The following COL15A1 variants were observed in gnomAD, a reference collection of about 807,000 sequenced individuals.
COL15A1 encodes the protein collagen alpha-1(XV) chain.
Under a neutral mutation model 165.9 loss-of-function variants are expected in COL15A1, and 111 were observed. That is an observed-to-expected ratio of 0.67 (90% CI 0.57 to 0.78). The LOEUF (loss-of-function observed/expected upper bound fraction) is 0.78. COL15A1 is among the 30% of genes least tolerant of loss of function. COL15A1 has a pLI of 0.00. For synonymous variants in COL15A1, 659 were observed against 674.8 expected, an observed-to-expected ratio of 0.98 and a Z score of 0.36; for missense variants, 1,745 against 1,789.7, an observed-to-expected ratio of 0.98 and a Z score of 0.45.
At chr9:99,013,014 A>T (rs1381546608) in intron 9 of COL15A1, among the ~76,000 whole-genome samples, 1 of 151,564 alleles carries the variant, frequency 6.6e-6, no homozygotes, top group Non-Finnish European at 1.5e-5. Flanking sequence ...TTATTTATTT[A>T]TTTTTTATTT....
At chr9:99,003,385 T>A in intron 7 of COL15A1, 68 bp from the exon 8 acceptor site, 1 of 1,309,454 alleles carries the variant, frequency 7.6e-7, no homozygotes. Flanking sequence ...GGCAGTCTGT[T>A]CTCACCAGCC....
At chr9:99,043,893 G>A (rs936720465) in intron 24 of COL15A1, among the ~76,000 whole-genome samples, 1 of 152,202 alleles carries the variant, frequency 6.6e-6, no homozygotes, top group Non-Finnish European at 1.5e-5. Context: ...ATTGGGGTCA[G>A]GATCCTGTGT....
At chr9:98,996,620 C>G (rs1386961112) in intron 5 of COL15A1, among the ~76,000 whole-genome samples, 1 of 152,218 alleles carries the variant, frequency 6.6e-6, no homozygotes, top group Non-Finnish European at 1.5e-5. Context: ...TCTAACAGAT[C>G]TTTACTGGGC....
rs963840506 is a variant in COL15A1 at position 99,052,550 on chromosome 9, G to A, written c.2950+117G>A. The stretch of plus-strand genomic sequence containing the variant: ...GGTCAGGAAGGTCTAACTGGATGCT[G>A]TAGGGGTGGGGATGGCAGCTGAGCC... On this transcript the variant is annotated intron_variant, in intron 31 of 41. Coordinates refer to ENST00000375001, the MANE Select transcript of COL15A1 (RefSeq NM_001855.5). The A allele has an allele frequency of 3.3e-5, 28 of 843,388 alleles. 1 individual carries two copies. The highest frequency in any genetic ancestry group is 3.1e-4 in the South Asian group (22 of 71,954). 52.2% of individuals were successfully genotyped at this position (843,388 alleles called of 1,614,324 possible).
rs911554874 is a variant in COL15A1, at chr9:98,997,047, C to T, written c.918C>T (p.Asn306=). Residue 306 remains asparagine, a synonymous_variant, in exon 6 of 42, where the codon AAC becomes AAT. Coordinates refer to ENST00000375001, the MANE Select transcript of COL15A1 (RefSeq NM_001855.5). ...CCGAGGGGACCCTGGAAACCACCAA[C>T]ATGAGCATCATCCAGCACAGCAGCC... ...PVPEGTLETT[N]MSIIQHSSPK... 2.5e-5 allele frequency: 41 copies of T among 1,614,110 alleles called. No homozygotes were observed. The highest frequency in any genetic ancestry group is 3.3e-5 in the Non-Finnish European group (39 of 1,180,050).
intron 2 of COL15A1, among the ~76,000 whole-genome samples, chr9:98,960,733 C>T (rs527270759): frequency 1.8e-4 from 28 of 152,280 alleles, no homozygotes; most frequent in African/African-American, 6.5e-4. Context: ...AACGAAATAA[C>T]GCCCCAAGCT....
intron 13 of COL15A1, 90 bp downstream of exon 13, chr9:99,022,240 G>GC (rs1839040422): frequency 9.0e-6 from 14 of 1,557,050 alleles, no homozygotes; most frequent in Non-Finnish European, 1.2e-5. Context: ...CTCCTTTTTG[G>GC]CCCCCAAAGT....
chr9:99,051,924 C>A (rs2117891021), intron 30 of COL15A1, among the ~76,000 whole-genome samples: 1 of 152,314 alleles, frequency 6.6e-6, no homozygotes, highest in Middle Eastern at 3.4e-3. Context: ...TGCTAATTAC[C>A]TGCCCATGAT....
intron 5 of COL15A1, among the ~76,000 whole-genome samples, chr9:98,992,379 G>A (rs1838456998): frequency 1.3e-5 from 2 of 152,252 alleles, no homozygotes; most frequent in Non-Finnish European, 2.9e-5. Context: ...AGGGTCGGTG[G>A]CACCGGCTGG....
At chr9:98,992,082 A>G (rs559881861) in intron 5 of COL15A1, among the ~76,000 whole-genome samples, 1 of 152,366 alleles carries the variant, frequency 6.6e-6, no homozygotes, top group Admixed American at 6.5e-5. Context: ...CGAGGGCAGC[A>G]GGTGGAGCGG....
chr9:99,017,871 AG>A (rs1280294543), intron 11 of COL15A1, among the ~76,000 whole-genome samples: 1 of 152,210 alleles, frequency 6.6e-6, no homozygotes, highest in Non-Finnish European at 1.5e-5. Flanking sequence ...GCTTAGACAA[AG>A]GAGCTTAGAA....
chr9:99,049,732 C>T lies in COL15A1; in HGVS notation c.2836C>T (p.Pro946Ser), dbSNP rs768129243. ...TGGCCCTCCAGGCCCCCCTGGGCCA[C>T]CTGGAGCTGTGATTAACATCAAAGG... The part of the protein sequence containing the change: ...LPGPPGPPGP[P>S]GAVINIKGAI... The change falls in exon 29 of 42, where the codon CCT becomes TCT. Residue 946 changes from proline (P) to serine (S), a missense_variant. Physicochemically the swap from Pro to Ser is moderately conservative, Grantham distance 74 (BLOSUM62 -1). Transcript: ENST00000375001. 1 of 1,614,148 alleles carries T rather than the reference C, an allele frequency of 6.2e-7. No homozygotes were observed. Among genetic ancestry groups the T allele is most frequent in the Non-Finnish European group, 8.5e-7 (1 of 1,180,048 alleles).
At chr9:99,041,464 G>A (rs977368878) in intron 23 of COL15A1, 1 of 151,612 alleles carries the variant, frequency 6.6e-6, no homozygotes, top group African/African-American at 2.4e-5. Context: ...CTGGCTGCAT[G>A]TGTGGATTTG....
In COL15A1 at chr9:99,067,007, A is replaced by G. The variant is rs777621211; in HGVS notation, c.3777A>G (p.Gln1259=). ...GAGCATTCTTATCTTCCCATTTGCA[A>G]GATCTGTCCACCATTGTGAGGAAAG... ...TYRAFLSSHL[Q]DLSTIVRKAE... is the part of the protein sequence containing the mutation. Residue 1259 remains glutamine (Q), a synonymous_variant, in exon 40 of 42, where the codon CAA becomes CAG. Coordinates refer to ENST00000375001, the MANE Select transcript of COL15A1 (RefSeq NM_001855.5). 3.1e-6 allele frequency: 5 copies of G among 1,614,174 alleles called. No individual in the cohort carries two copies. Among genetic ancestry groups the G allele is most frequent in the Non-Finnish European group, 4.2e-6 (5 of 1,180,016 alleles).
intron 30 of COL15A1, among the ~76,000 whole-genome samples, chr9:99,052,163 C>T (rs1328287010): frequency 1.3e-5 from 2 of 152,230 alleles, no homozygotes; most frequent in African/African-American, 4.8e-5. Flanking sequence ...TCAGCTCTGT[C>T]TCCCCAGCTC....
chr9:99,000,910 G>C lies in COL15A1; in HGVS notation c.1024G>C (p.Gly342Arg). 1.9e-6 allele frequency: 3 copies of C among 1,600,468 alleles called. No individual in the cohort carries two copies. The highest frequency in any genetic ancestry group is 2.6e-6 in the Non-Finnish European group (3 of 1,167,686). The change falls in exon 7 of 42, where the codon GGC (glycine) becomes CGC (arginine). Residue 342 changes from glycine (G) to arginine (R), a missense_variant. Gly to Arg is a moderately radical substitution (Grantham distance 125, BLOSUM62 -2). Transcript: ENST00000375001. ...GGATGGTGACCCCATTACTGACAGC[G>C]GCTCAGGGGCTGGGGCCTTCCTTGA... ...SVDGDPITDS[G>R]SGAGAFLDIA...
chr9:98,989,023 GA>G (rs1838368240), intron 4 of COL15A1, among the ~76,000 whole-genome samples, 154 bp from the exon 5 acceptor site: 8 of 144,294 alleles, frequency 5.5e-5, no homozygotes, highest in Non-Finnish European at 9.2e-5. Flanking sequence ...GTCTCTCATA[GA>G]CACACACACA....
At chr9:99,063,241 A>G (rs966534482) in intron 39 of COL15A1, 132 bp downstream of exon 39, 1 of 1,128,480 alleles carries the variant, frequency 8.9e-7, no homozygotes, top group Non-Finnish European at 1.2e-6. Flanking sequence ...CAAAAAACAG[A>G]GAATTACAAT....
chr9:99,044,424 G>C, intron 24 of COL15A1, 144 bp from the exon 25 acceptor site: 1 of 715,888 alleles, frequency 1.4e-6, no homozygotes, highest in Non-Finnish European at 2.4e-6. Flanking sequence ...GTTTCAAGTA[G>C]GATGAAGGCA....
Sources: gnomAD v4.1 joint callset for allele counts (sites outside exome capture counted in the v4.1 genomes callset) on GRCh38, gnomAD v4.1.1 for gene constraint, MANE v1.5 for transcripts, NCBI Gene and HGNC (gene_info 2026-07-23, HGNC 2026-07-21) for gene names.